Variants in LRBA observed in about 807,000 individuals in gnomAD.
LRBA encodes the protein lipopolysaccharide-responsive and beige-like anchor protein.
A neutral mutation model predicts 330.0 loss-of-function variants in LRBA; 176 were observed. The observed-to-expected ratio is 0.53, with a 90% CI of 0.47 to 0.60. The LOEUF is 0.60. Ranked by LOEUF, LRBA falls within the 20% of genes least tolerant of loss-of-function variation. The pLI is 0.00. For synonymous variants in LRBA, 1,230 were observed against 1,193.0 expected (o/e 1.03, Z -0.64); for missense variants, 3,259 against 3,444.8 (o/e 0.95, Z 1.35).
At chr4:150,574,480 C>T (rs1453984973) in intron 40 of LRBA, among the ~76,000 whole-genome samples, 1 of 151,890 alleles carries the variant, frequency 6.6e-6, no homozygotes, top group African/African-American at 2.4e-5. Context: ...ACTCATTTAG[C>T]AATTGAGAAA....
At chr4:150,622,223 A>G (rs1037557607) in intron 37 of LRBA, among the ~76,000 whole-genome samples, 1 of 152,236 alleles carries the variant, frequency 6.6e-6, no homozygotes, top group African/African-American at 2.4e-5. Context: ...GCACATGAAA[A>G]TAAGTAGACC....
At chr4:150,472,744 T>A (rs1477090887) in intron 42 of LRBA, among the ~76,000 whole-genome samples, 1 of 152,144 alleles carries the variant, frequency 6.6e-6, no homozygotes, top group Non-Finnish European at 1.5e-5. Flanking sequence ...CATACATTAG[T>A]ATGTAGTCTT....
intron 47 of LRBA, among the ~76,000 whole-genome samples, chr4:150,375,568 C>T (rs1402128205): frequency 6.6e-6 from 1 of 151,862 alleles, no homozygotes; most frequent in Non-Finnish European, 1.5e-5. Context: ...AGTGGATTCT[C>T]CTGCCTCAGC....
chr4:150,963,574 G>C (rs1196161387), intron 2 of LRBA, among the ~76,000 whole-genome samples: 1 of 149,660 alleles, frequency 6.7e-6, no homozygotes, highest in Non-Finnish European at 1.5e-5. Context: ...GCCTCCCAAA[G>C]TGCCGAGATT....
At chr4:150,716,841 C>T (rs1276892723) in intron 36 of LRBA, among the ~76,000 whole-genome samples, 1 of 152,102 alleles carries the variant, frequency 6.6e-6, no homozygotes, top group African/African-American at 2.4e-5. Flanking sequence ...GCCATGAAGT[C>T]GACAGAGGCT....
chr4:150,500,929 C>T (rs74757875), intron 40 of LRBA, among the ~76,000 whole-genome samples: 22,472 of 152,100 alleles, frequency 0.15, 1,686 homozygotes, highest in Middle Eastern at 0.18. Flanking sequence ...AAAATTAGTA[C>T]CTGCCTCCTA....
chr4:150,624,665 T>C (rs1158131724), intron 37 of LRBA, among the ~76,000 whole-genome samples: 3 of 152,142 alleles, frequency 2.0e-5, no homozygotes, highest in African/African-American at 7.2e-5. Context: ...AACTAATGCG[T>C]ATATAAAAAT....
At chr4:150,424,862 T>C (rs1029212401) in intron 46 of LRBA, among the ~76,000 whole-genome samples, 2 of 152,240 alleles carry the variant, frequency 1.3e-5, no homozygotes, top group South Asian at 2.1e-4. Context: ...TTTGAGGACA[T>C]GCTGTACTTA....
chr4:150,786,885 A>T (rs1424262851), intron 34 of LRBA, among the ~76,000 whole-genome samples: 1 of 152,164 alleles, frequency 6.6e-6, no homozygotes, highest in Non-Finnish European at 1.5e-5. Flanking sequence ...CCTATTGGGC[A>T]ATTACATTGG....
At chr4:150,372,284 C>T (rs1053424772) in intron 47 of LRBA, among the ~76,000 whole-genome samples, 1 of 152,022 alleles carries the variant, frequency 6.6e-6, no homozygotes, top group Non-Finnish European at 1.5e-5. Flanking sequence ...CACCAAACCA[C>T]TACACCGTAT....
At chr4:150,818,572 G>A (rs1744960984) in intron 30 of LRBA, among the ~76,000 whole-genome samples, 2 of 150,432 alleles carry the variant, frequency 1.3e-5, no homozygotes, top group South Asian at 2.1e-4. Flanking sequence ...GTGCGTGCAC[G>A]AATGTGTGTG....
chr4:150,715,788 T>C (rs567576169), intron 36 of LRBA, among the ~76,000 whole-genome samples: 3 of 152,294 alleles, frequency 2.0e-5, no homozygotes, highest in South Asian at 4.1e-4. Flanking sequence ...ACCCAAAAAC[T>C]AGCTAAGTAC....
rs562909463 is a variant in LRBA at position 150,540,048 on chromosome 4, T to C, written c.6330+48000A>G. Among the ~76,000 whole-genome samples, 16 of 152,360 alleles carry C rather than the reference T, an allele frequency of 1.1e-4. No individual in the cohort carries two copies. The South Asian group carries it at 3.3e-3, about 32-fold the overall frequency. On this transcript the variant is annotated intron_variant, in intron 40 of 56. Transcript: ENST00000651943. ...ACTGAATAGCTTTTAAATTAAATCA[T>C]AGCTAACTTACTTTCCGTTATATGT...
chr4:150,527,647 T>C (rs1048713228), intron 40 of LRBA, among the ~76,000 whole-genome samples: 25 of 152,210 alleles, frequency 1.6e-4, no homozygotes, highest in African/African-American at 6.0e-4. Flanking sequence ...AACTAAAATA[T>C]ACTGGAAACT....
chr4:150,436,774 C>T lies in LRBA; in HGVS notation c.6871G>A (p.Gly2291Ser). The T allele has an allele frequency of 1.2e-6, 2 of 1,613,386 alleles. No individual in the cohort carries two copies. The highest frequency in any genetic ancestry group is 1.7e-6 in the Non-Finnish European group (2 of 1,179,590). Reference protein sequence around the residue: ...EDDQVPKFHYGTHYSTASFVL... With the variant: ...EDDQVPKFHYSTHYSTASFVL... The stretch of plus-strand genomic sequence containing the variant: ...AAACTTGCAGTTGAGTAATGAGTAC[C>T]ATAGTGAAACTTTGGAACTTGATCA... The change falls in exon 45 of 57, where the codon GGT (glycine) becomes AGT (serine). Residue 2291 changes from glycine (G) to serine (S), a missense_variant. By Grantham distance (56) the Gly-to-Ser change is moderately conservative. Coordinates refer to ENST00000651943, the MANE Select transcript of LRBA (RefSeq NM_001364905.1).
chr4:150,621,442 C>T (rs1263178519), intron 37 of LRBA, among the ~76,000 whole-genome samples: 2 of 152,126 alleles, frequency 1.3e-5, no homozygotes, highest in Non-Finnish European at 2.9e-5. Flanking sequence ...AAAAGCAACA[C>T]AGTGTGAAAA....
intron 46 of LRBA, among the ~76,000 whole-genome samples, chr4:150,417,932 C>T (rs1748019436): frequency 6.6e-6 from 1 of 151,578 alleles, no homozygotes; most frequent in African/African-American, 2.4e-5. Flanking sequence ...TCTTCTACAT[C>T]TGTTATTTCA....
At chr4:150,502,773 C>T (rs1002005999) in intron 40 of LRBA, among the ~76,000 whole-genome samples, 5 of 152,232 alleles carry the variant, frequency 3.3e-5, no homozygotes, top group Non-Finnish European at 7.3e-5. Context: ...ACCCGAGAAG[C>T]GCAAGGGGTC....
chr4:150,387,310 C>T (rs1260490690), intron 47 of LRBA, among the ~76,000 whole-genome samples: 1 of 151,764 alleles, frequency 6.6e-6, no homozygotes, highest in Non-Finnish European at 1.5e-5. Flanking sequence ...TCTATATTAC[C>T]TTTATATGGT....
Sources: allele counts gnomAD v4.1 joint callset (sites outside exome capture counted in the v4.1 genomes callset), GRCh38; gene constraint gnomAD v4.1.1; transcripts MANE v1.5; gene names NCBI Gene and HGNC (gene_info 2026-07-23, HGNC 2026-07-21).